The following RNF150 variants were observed in gnomAD, a reference collection of about 807,000 sequenced individuals.
RNF150 encodes the protein ring finger protein 150.
In RNF150, 24 loss-of-function variants were observed where a neutral mutation model predicts 39.3. That is an observed-to-expected ratio of 0.61 (90% CI 0.44 to 0.86). The LOEUF is 0.86. Ranked by LOEUF, RNF150 falls within the 40% of genes least tolerant of loss-of-function variation. RNF150 has a pLI of 0.00. For missense variants in RNF150, 502 were observed against 587.8 expected, an observed-to-expected ratio of 0.85 and a Z score of 1.51; for synonymous variants, 255 against 227.3, an observed-to-expected ratio of 1.12 and a Z score of -1.10.
At chr4:140,875,783 T>C (rs780239673) in intron 6 of RNF150, among the ~76,000 whole-genome samples, 3 of 152,196 alleles carry the variant, frequency 2.0e-5, no homozygotes, top group Non-Finnish European at 4.4e-5. Flanking sequence ...TAACTTGACA[T>C]GATAGTTTTC....
At chr4:140,870,258 T>G (rs898037422) in intron 6 of RNF150, among the ~76,000 whole-genome samples, 1 of 152,142 alleles carries the variant, frequency 6.6e-6, no homozygotes, top group Non-Finnish European at 1.5e-5. Context: ...ATGTAACAGA[T>G]CAATGGTTAA....
Position 141,132,928 on chromosome 4 carries a change from G to C in RNF150, c.-120C>G. On this transcript the variant is annotated 5_prime_UTR_variant, in exon 1 of 7. Coordinates refer to ENST00000515673, the MANE Select transcript of RNF150 (RefSeq NM_020724.2). The surrounding 1 kb of genome is among the most constrained non-coding windows in gnomAD (Gnocchi z 4.9). ...TCCTGCTGCTGCTCACTCCCGGGCC[G>C]GAGGGGCCGCGGCCGGGACGCGCAG... 2.5e-6 allele frequency: 2 copies of C among 795,974 alleles called. No individual in the cohort carries two copies. The highest frequency in any genetic ancestry group is 3.8e-6 in the Non-Finnish European group (2 of 527,476). The allele number at this position is 795,974 out of a possible 1,614,324, so 49.3% of individuals were successfully genotyped here.
rs995017927 is a variant in RNF150, at chr4:140,863,160, C to T, written c.*5101G>A. 6.6e-6 allele frequency: 1 copy of T among 152,190 alleles called. No individual in the cohort carries two copies. Among genetic ancestry groups the T allele is most frequent in the Non-Finnish European group, 1.5e-5 (1 of 68,054 alleles). 9.4% of individuals were successfully genotyped at this position (152,190 alleles called of 1,614,324 possible). On this transcript the variant is annotated 3_prime_UTR_variant, in exon 7 of 7. Transcript: ENST00000515673. Reference sequence around the variant, plus strand: ...TAGTTAGGAAGAATGGGCATTCCATCAGGTACAGTATACAAGTTTTTCCAA... The same window carrying T: ...TAGTTAGGAAGAATGGGCATTCCATTAGGTACAGTATACAAGTTTTTCCAA...
chr4:140,910,983 AG>A (rs1331664585), intron 6 of RNF150, 160 bp downstream of exon 6: 2 of 642,758 alleles, frequency 3.1e-6, no homozygotes, highest in African/African-American at 3.7e-5. Flanking sequence ...TGCTGGCTCT[AG>A]GAAAGGCAGT....
intron 1 of RNF150, among the ~76,000 whole-genome samples, chr4:140,970,759 C>T (rs969838952): frequency 6.6e-6 from 1 of 152,108 alleles, no homozygotes; most frequent in Non-Finnish European, 1.5e-5. Flanking sequence ...CACTGTTGTG[C>T]CCTCATGACA....
chr4:141,036,998 CCCT>C (rs1736172785), intron 1 of RNF150, among the ~76,000 whole-genome samples: 1 of 152,164 alleles, frequency 6.6e-6, no homozygotes, highest in African/African-American at 2.4e-5. Context: ...CAGGCTTTCA[CCCT>C]CTTACTCCCT....
At chr4:141,105,958 C>T (rs1332925380) in intron 1 of RNF150, among the ~76,000 whole-genome samples, 1 of 152,154 alleles carries the variant, frequency 6.6e-6, no homozygotes, top group Non-Finnish European at 1.5e-5. Flanking sequence ...AAATACCCAA[C>T]CTCTTTAGCA....
At chr4:141,200,235 T>G (rs1372910842) in intron 1 of RNF150, among the ~76,000 whole-genome samples, 2 of 152,112 alleles carry the variant, frequency 1.3e-5, no homozygotes, top group Non-Finnish European at 1.5e-5. Context: ...TGTCTTCTTC[T>G]TGCTGTATTC....
At chr4:141,129,176 A>G (rs1486506221) in intron 1 of RNF150, among the ~76,000 whole-genome samples, 2 of 152,194 alleles carry the variant, frequency 1.3e-5, no homozygotes, top group Admixed American at 6.5e-5. Context: ...TCATAGCACT[A>G]TTTTTCATAA....
intron 1 of RNF150, among the ~76,000 whole-genome samples, chr4:141,130,842 T>C (rs1726876109): frequency 6.6e-6 from 1 of 152,236 alleles, no homozygotes; most frequent in African/African-American, 2.4e-5. Context: ...GTTTCAGTAG[T>C]GCTCTTAAGA....
intron 1 of RNF150, among the ~76,000 whole-genome samples, chr4:141,046,693 C>A (rs1391385588): frequency 6.6e-6 from 1 of 152,134 alleles, no homozygotes; most frequent in Non-Finnish European, 1.5e-5. Context: ...ACTCAAAAGG[C>A]AATTCATCAT....
At chr4:140,897,077 G>T (rs1729988672) in intron 6 of RNF150, among the ~76,000 whole-genome samples, 1 of 152,156 alleles carries the variant, frequency 6.6e-6, no homozygotes, top group African/African-American at 2.4e-5. Context: ...TCAACACACA[G>T]CACAGGTCTC....
intron 1 of RNF150, among the ~76,000 whole-genome samples, chr4:141,027,758 C>G (rs1316592052): frequency 6.6e-6 from 1 of 152,080 alleles, no homozygotes; most frequent in South Asian, 2.1e-4. Context: ...CCCTTAATGA[C>G]TGAATGGTGC....
intron 1 of RNF150, among the ~76,000 whole-genome samples, chr4:141,138,865 T>A (rs1727070196): frequency 6.6e-6 from 1 of 151,662 alleles, no homozygotes; most frequent in South Asian, 2.1e-4. Flanking sequence ...ACAAGAAGAG[T>A]AGGAGGGAAC....
chr4:140,935,307 A>AT (rs1731821358), intron 4 of RNF150, among the ~76,000 whole-genome samples: 1 of 151,704 alleles, frequency 6.6e-6, no homozygotes, highest in Non-Finnish European at 1.5e-5. Flanking sequence ...CAGGACCCTC[A>AT]TTTTATAGTG....
chr4:140,897,360 T>C (rs971817502), intron 6 of RNF150, among the ~76,000 whole-genome samples: 2 of 152,168 alleles, frequency 1.3e-5, no homozygotes, highest in Admixed American at 6.5e-5. Flanking sequence ...ACTCTGGCTT[T>C]AGAACGAATT....
chr4:141,188,290 C>T (rs1205198394), intron 1 of RNF150, among the ~76,000 whole-genome samples: 3 of 152,102 alleles, frequency 2.0e-5, no homozygotes, highest in African/African-American at 4.8e-5. Context: ...TTTTTTCCTT[C>T]GTTTCAAGCT....
At chr4:141,015,686 T>A (rs940108259) in intron 1 of RNF150, among the ~76,000 whole-genome samples, 10 of 152,200 alleles carry the variant, frequency 6.6e-5, no homozygotes, top group African/African-American at 2.2e-4. Flanking sequence ...TAAGATCATG[T>A]CATCAGCAAA....
chr4:141,023,608 T>C (rs1303507458), intron 1 of RNF150, among the ~76,000 whole-genome samples: 1 of 152,132 alleles, frequency 6.6e-6, no homozygotes, highest in East Asian at 1.9e-4. Context: ...ATTATATCAA[T>C]AGATAATTCA....
Sources: allele counts gnomAD v4.1 joint callset (sites outside exome capture counted in the v4.1 genomes callset), GRCh38; gene constraint gnomAD v4.1.1; non-coding constraint Gnocchi (gnomAD v3.1); transcripts MANE v1.5; gene names NCBI Gene and HGNC (gene_info 2026-07-23, HGNC 2026-07-21).